The following TMCO6 variants were observed in gnomAD, a reference collection of about 807,000 sequenced individuals.
TMCO6 encodes the protein transmembrane and coiled-coil domain-containing protein 6.
Under a neutral mutation model 61.8 loss-of-function variants are expected in TMCO6, and 47 were observed. The observed-to-expected ratio is 0.76, with a 90% CI of 0.60 to 0.97. TMCO6 has a LOEUF of 0.97. Ranked by LOEUF, TMCO6 falls within the 50% of genes least tolerant of loss-of-function variation. TMCO6 has a pLI of 0.00. For missense variants in TMCO6, 557 were observed against 601.6 expected, an observed-to-expected ratio of 0.93 and a Z score of 0.78; for synonymous variants, 261 against 254.2, an observed-to-expected ratio of 1.03 and a Z score of -0.25.
rs181090389 is a variant in TMCO6, at chr5:140,645,121, T to C, written c.*23T>C. Reference sequence around the variant, plus strand: ...TGATCTTGTTTCTCAATGTCACTCATTCCCCTCTCTCTTAACATCAAGCTT... The same window carrying C: ...TGATCTTGTTTCTCAATGTCACTCACTCCCCTCTCTCTTAACATCAAGCTT... On this transcript the variant is annotated 3_prime_UTR_variant, in exon 12 of 12. Coordinates refer to ENST00000394671, the MANE Select transcript of TMCO6 (RefSeq NM_018502.5). 6 of 1,604,570 alleles carry C rather than the reference T, an allele frequency of 3.7e-6. No individual in the cohort carries two copies. The highest frequency in any genetic ancestry group is 3.3e-5 in the Admixed American group (2 of 60,024).
At chr5:140,597,615 C>T in the TMCO6 span, among the ~76,000 whole-genome samples, 1 of 152,098 alleles carries the variant, frequency 6.6e-6, no homozygotes, top group Non-Finnish European at 1.5e-5. Context: ...TCATTTATAC[C>T]CAAACTTTTC....
upstream of TMCO6, among the ~76,000 whole-genome samples, chr5:140,638,128 C>T (rs1370687436): frequency 1.3e-5 from 2 of 152,224 alleles, no homozygotes; most frequent in Non-Finnish European, 2.9e-5. Flanking sequence ...TGGCCAGTCG[C>T]CATGAGAGCA....
At chr5:140,639,424 C>T (rs915790714), upstream of TMCO6, 2 of 1,240,196 alleles carry the variant, frequency 1.6e-6, no homozygotes, top group African/African-American at 3.0e-5. Context: ...GCCCTCCCCG[C>T]CTGTTCCCGC....
chr5:140,600,626 G>A, the TMCO6 span, among the ~76,000 whole-genome samples: 26 of 151,896 alleles, frequency 1.7e-4, no homozygotes, highest in Non-Finnish European at 2.9e-4. Context: ...CACTGTGCCC[G>A]GATAATTTTT....
At position 140,641,771 on chromosome 5, in the gene TMCO6, C is replaced by T. The variant is rs199525367; in HGVS notation, c.305C>T (p.Thr102Ile). 3 of 1,614,210 alleles carry T rather than the reference C, an allele frequency of 1.9e-6. No homozygotes were observed. In the South Asian group the frequency reaches 3.3e-5, roughly 18 times the overall value. The change falls in exon 3 of 12, where the codon ACC becomes ATC. Residue 102 changes from threonine (T) to isoleucine (I), a missense_variant. Coordinates refer to ENST00000394671, the MANE Select transcript of TMCO6 (RefSeq NM_018502.5). The stretch of plus-strand genomic sequence containing the variant: ...TTGCAGCACCCTGAAACACAGCAAA[C>T]CTTCATCCGGTCAGTGTGGATGGTG... ...RGLQHPETQQ[T>I]FIRLEGSMRT...
rs1561948670 is a variant in TMCO6 at position 140,641,967 on chromosome 5, T to A, written c.412T>A (p.Ser138Thr). The A allele has an allele frequency of 1.2e-6, 2 of 1,613,924 alleles. No homozygotes were observed. The highest frequency in any genetic ancestry group is 2.7e-5 in the African/African-American group (2 of 74,914). The change falls in exon 4 of 12, where the codon TCC (serine) becomes ACC (threonine). Residue 138 changes from serine (S) to threonine (T), a missense_variant. Ser to Thr is a moderately conservative substitution (Grantham distance 58, BLOSUM62 1). Transcript: ENST00000394671. The part of the protein sequence containing the change: ...AARCLHELSH[S>T]EQSTVAEACL... The stretch of plus-strand genomic sequence containing the variant: ...TCGGTGCCTGCATGAGCTCTCTCAC[T>A]CCGAGCAGTCCACTGTTGCTGAGGC...
the TMCO6 span, among the ~76,000 whole-genome samples, chr5:140,626,494 G>A: frequency 6.6e-6 from 1 of 152,016 alleles, no homozygotes; most frequent in Non-Finnish European, 1.5e-5. Context: ...TCTGCCTCCT[G>A]GGTTCAAGTG....
chr5:140,597,608 T>C, the TMCO6 span, among the ~76,000 whole-genome samples: 1 of 152,250 alleles, frequency 6.6e-6, no homozygotes, highest in Non-Finnish European at 1.5e-5. Flanking sequence ...CATTCTCTCA[T>C]TTATACCCAA....
the TMCO6 span, among the ~76,000 whole-genome samples, chr5:140,607,017 T>C: frequency 7.4e-6 from 1 of 134,420 alleles, no homozygotes; most frequent in South Asian, 2.4e-4. Context: ...ATAATAATAA[T>C]GGAAAAAACC....
chr5:140,612,334 C>A, the TMCO6 span, among the ~76,000 whole-genome samples: 1 of 112,248 alleles, frequency 8.9e-6, no homozygotes, highest in East Asian at 2.4e-4. Flanking sequence ...CTTGCCCAAT[C>A]TTTTTTTTTT....
chr5:140,602,312 C>A, the TMCO6 span, among the ~76,000 whole-genome samples: 1 of 152,178 alleles, frequency 6.6e-6, no homozygotes, highest in East Asian at 1.9e-4. Context: ...GTGATGACCT[C>A]ACTGCTGTCC....
the TMCO6 span, among the ~76,000 whole-genome samples, chr5:140,605,397 A>T: frequency 1.3e-5 from 2 of 152,246 alleles, no homozygotes; most frequent in African/African-American, 4.8e-5. Context: ...TGGCATCTTT[A>T]GGCCAGGTGT....
the TMCO6 span, among the ~76,000 whole-genome samples, chr5:140,604,001 T>A: frequency 6.6e-6 from 1 of 152,190 alleles, no homozygotes; most frequent in African/African-American, 2.4e-5. Context: ...CACCAACACT[T>A]GTTATTTTAT....
At chr5:140,634,907 C>T (rs371511692), upstream of TMCO6, among the ~76,000 whole-genome samples, 109 of 152,238 alleles carry the variant, frequency 7.2e-4, no homozygotes, top group African/African-American at 2.5e-3. Context: ...CTCAGCTTCC[C>T]GAGCGGCTGG....
chr5:140,637,057 T>C (rs1756785913), upstream of TMCO6, among the ~76,000 whole-genome samples: 1 of 152,054 alleles, frequency 6.6e-6, no homozygotes, highest in African/African-American at 2.4e-5. Context: ...GGACTTGACA[T>C]GTTGAGAATG....
chr5:140,639,636 G>C (rs1439514591), intron 1 of TMCO6, 24 bp downstream of exon 1: 2 of 1,539,502 alleles, frequency 1.3e-6, no homozygotes, highest in Non-Finnish European at 1.8e-6. Flanking sequence ...AGGGAGCGCG[G>C]GGGTATATGG....
intron 7 of TMCO6, 39 bp downstream of exon 7, chr5:140,643,080 G>C (rs781375052): frequency 6.2e-7 from 1 of 1,613,408 alleles, no homozygotes; most frequent in South Asian, 1.1e-5. Context: ...GATCTTCCCT[G>C]GGGCTCCCTT....
Position 140,639,465 on chromosome 5 carries a change from C to T in TMCO6, c.-63C>T. On this transcript the variant is annotated 5_prime_UTR_variant, in exon 1 of 12. Transcript: ENST00000394671. ...GCTGAGGCTGCGCAGTCGGTGCCAT[C>T]TTCTACGCCCCTGGGAGCGTTGTGG... 2 of 1,506,230 alleles carry T rather than the reference C, an allele frequency of 1.3e-6. No individual in the cohort carries two copies. Among genetic ancestry groups the T allele is most frequent in the South Asian group, 1.2e-5 (1 of 82,516 alleles). 93.3% of individuals were successfully genotyped at this position (1,506,230 alleles called of 1,614,324 possible). A position where few individuals can be genotyped will look rare whatever the true frequency, so the allele number is the denominator to read the frequency against.
At chr5:140,646,160 GC>G (rs1757386516), downstream of TMCO6, among the ~76,000 whole-genome samples, 1 of 151,938 alleles carries the variant, frequency 6.6e-6, no homozygotes, top group African/African-American at 2.4e-5. Context: ...ACAGGTGCCC[GC>G]CACCACACCC....
Sources: allele counts gnomAD v4.1 joint callset (sites outside exome capture counted in the v4.1 genomes callset), GRCh38; gene constraint gnomAD v4.1.1; transcripts MANE v1.5; gene names NCBI Gene and HGNC (gene_info 2026-07-23, HGNC 2026-07-21).